AP3B1: variants seen among roughly 807,000 people sequenced by gnomAD.
AP3B1 encodes the protein AP-3 complex subunit beta-1.
A neutral mutation model predicts 132.5 loss-of-function variants in AP3B1; 61 were observed. The observed-to-expected ratio is 0.46, with a 90% CI of 0.37 to 0.57. The LOEUF (loss-of-function observed/expected upper bound fraction) is 0.57, where lower values mean the gene tolerates loss of function less well. Among genes scored for constraint, AP3B1 ranks in the 20% least tolerant of loss-of-function variants. The pLI is 0.00. For synonymous variants in AP3B1, 388 were observed against 438.3 expected (o/e 0.89, Z 1.43); for missense variants, 1,120 against 1,289.4 (o/e 0.87, Z 2.01).
At position 78,229,305 on chromosome 5, in the gene AP3B1, A is replaced by C. The variant is rs556768276; in HGVS notation, c.280-1066T>G. ...AAAATTATGAACAGAAAAAGAAATA[A>C]ACAAAAACTAGAATTTGAGTTGAAA... On this transcript the variant is annotated intron_variant, in intron 3 of 26. Coordinates refer to ENST00000255194, the MANE Select transcript of AP3B1 (RefSeq NM_003664.5). 7.7e-4 allele frequency among the ~76,000 whole-genome samples: 117 copies of C among 152,324 alleles called. 1 individual carries two copies. The highest frequency in any genetic ancestry group is 7.6e-3 in the Admixed American group (117 of 15,300).
At chr5:78,047,164 G>A (rs183943498) in intron 22 of AP3B1, among the ~76,000 whole-genome samples, 385 of 152,242 alleles carry the variant, frequency 2.5e-3, no homozygotes, top group African/African-American at 8.9e-3. Flanking sequence ...ATAAACATAC[G>A]TGCACATATG....
intron 21 of AP3B1, among the ~76,000 whole-genome samples, chr5:78,099,826 T>C (rs1050137704): frequency 1.3e-5 from 2 of 150,644 alleles, no homozygotes; most frequent in African/African-American, 2.4e-5. Context: ...AAGGTGGAGG[T>C]TGCAGTGAGC....
chr5:78,151,384 G>GT (rs1286488086), intron 14 of AP3B1, among the ~76,000 whole-genome samples: 1 of 152,282 alleles, frequency 6.6e-6, no homozygotes. Context: ...AACGCTTGAG[G>GT]TAGGACTTCC....
At chr5:78,046,448 C>T (rs1222471009) in intron 22 of AP3B1, among the ~76,000 whole-genome samples, 1 of 152,186 alleles carries the variant, frequency 6.6e-6, no homozygotes, top group Non-Finnish European at 1.5e-5. Context: ...CTGTCTTCCA[C>T]AAAACGGGTC....
chr5:78,253,590 T>C (rs1320918331), intron 2 of AP3B1, among the ~76,000 whole-genome samples: 1 of 151,968 alleles, frequency 6.6e-6, no homozygotes, highest in Non-Finnish European at 1.5e-5. Context: ...AAAAGAGAAA[T>C]ATGTGACCTT....
In AP3B1 at chr5:78,110,365, T is replaced by G. The variant is rs892850467; in HGVS notation, c.2250-11A>C. Reference sequence around the variant, plus strand: ...CCATCTTCAGAATCACTACACATAATAGTAAATTTTGAAATATGAACTTTA... The same window carrying G: ...CCATCTTCAGAATCACTACACATAAGAGTAAATTTTGAAATATGAACTTTA... On this transcript the variant is annotated splice_polypyrimidine_tract_variant and intron_variant, in intron 19 of 26. Coordinates refer to ENST00000255194, the MANE Select transcript of AP3B1 (RefSeq NM_003664.5). The G allele has an allele frequency of 8.1e-6, 13 of 1,595,140 alleles. No individual in the cohort carries two copies. The highest frequency in any genetic ancestry group is 1.1e-5 in the Non-Finnish European group (13 of 1,167,002).
intron 22 of AP3B1, among the ~76,000 whole-genome samples, chr5:78,072,575 T>C (rs1332951593): frequency 6.6e-6 from 1 of 151,998 alleles, no homozygotes; most frequent in Non-Finnish European, 1.5e-5. Flanking sequence ...CATATTAACA[T>C]TTGGAGGGGA....
chr5:78,267,677 A>C, intron 1 of AP3B1, 82 bp from the exon 2 acceptor site: 1 of 872,260 alleles, frequency 1.1e-6, no homozygotes, highest in Non-Finnish European at 1.8e-6. Flanking sequence ...CATAAGAATT[A>C]GAAGTAATAT....
Position 78,034,272 on chromosome 5 carries a change from C to T in AP3B1, c.2894+89G>A. The T allele has an allele frequency of 5.2e-6, 5 of 970,078 alleles. No individual in the cohort carries two copies. In the East Asian group the frequency reaches 9.6e-5, roughly 19 times the overall value. 60.1% of individuals were successfully genotyped at this position (970,078 alleles called of 1,614,324 possible). ...ATATTTGTTTAAATGTTTTGTCTTT[C>T]ACACACACACAAAAGCTGTTGAAAG... On this transcript the variant is annotated intron_variant, in intron 24 of 26. Transcript: ENST00000255194.
At chr5:78,287,843 C>T (rs375490364) in intron 1 of AP3B1, among the ~76,000 whole-genome samples, 9 of 150,760 alleles carry the variant, frequency 6.0e-5, no homozygotes, top group African/African-American at 2.0e-4. Flanking sequence ...CCATAAATTT[C>T]AATTAGCTAA....
chr5:78,267,607 G>C lies in AP3B1; in HGVS notation c.129-12C>G. 3.2e-6 allele frequency: 5 copies of C among 1,542,456 alleles called. No homozygotes were observed. The highest frequency in any genetic ancestry group is 4.5e-6 in the Non-Finnish European group (5 of 1,120,342). On this transcript the variant is annotated splice_polypyrimidine_tract_variant and intron_variant, in intron 1 of 26. Transcript: ENST00000255194. ...TTAGATCTTCATTCCTATTACAAAAGAGAAGAAAAAAAATCCATACTTTGA... is the reference window on the plus strand; with the variant it reads ...TTAGATCTTCATTCCTATTACAAAACAGAAGAAAAAAAATCCATACTTTGA...
At chr5:78,154,022 A>G (rs545678136) in intron 14 of AP3B1, among the ~76,000 whole-genome samples, 52 of 152,326 alleles carry the variant, frequency 3.4e-4, no homozygotes, top group Non-Finnish European at 6.2e-4. Context: ...TTTTCTGTGT[A>G]CATACTATTA....
intron 22 of AP3B1, among the ~76,000 whole-genome samples, chr5:78,050,517 C>T (rs1748536523): frequency 6.7e-6 from 1 of 150,188 alleles, no homozygotes; most frequent in Non-Finnish European, 1.5e-5. Flanking sequence ...CTTATAGGAA[C>T]ACACTGTGGT....
chr5:78,112,550 A>G (rs1751640888), intron 19 of AP3B1, among the ~76,000 whole-genome samples: 1 of 152,186 alleles, frequency 6.6e-6, no homozygotes. Flanking sequence ...GCACTGAACA[A>G]AACTTTCCCT....
rs778796881 is a variant in AP3B1, at chr5:78,165,695, T to C, written c.1168-23A>G. ...AAGCTATAGTAGAGAAAAGAGAAAG[T>C]AAACATTTTAAAACAAAGGTAGCAA... On this transcript the variant is annotated intron_variant, in intron 11 of 26. Transcript: ENST00000255194. The C allele has an allele frequency of 3.4e-6, 5 of 1,491,702 alleles. No individual in the cohort carries two copies. The African/African-American group carries it at 6.9e-5, about 21-fold the overall frequency. 92.4% of individuals were successfully genotyped at this position (1,491,702 alleles called of 1,614,324 possible). A position where few individuals can be genotyped will look rare whatever the true frequency, so the allele number is the denominator to read the frequency against.
At chr5:78,027,579 C>T (rs771468963) in intron 24 of AP3B1, among the ~76,000 whole-genome samples, 2 of 151,842 alleles carry the variant, frequency 1.3e-5, no homozygotes, top group African/African-American at 2.4e-5. Flanking sequence ...TTGAAAAAGT[C>T]GACTGGCATT....
chr5:78,059,317 G>A (rs1748943692), intron 22 of AP3B1, among the ~76,000 whole-genome samples: 1 of 152,254 alleles, frequency 6.6e-6, no homozygotes, highest in East Asian at 1.9e-4. Flanking sequence ...AGCTCCAGAA[G>A]GAACATGGTC....
intron 13 of AP3B1, 103 bp from the exon 14 acceptor site, chr5:78,156,470 T>C (rs1743153741): frequency 1.2e-5 from 11 of 884,162 alleles, no homozygotes; most frequent in Admixed American, 2.0e-5. Context: ...TTCTATTTAA[T>C]ACAAGCCTTA....
chr5:78,163,579 A>G (rs958063243), intron 12 of AP3B1, among the ~76,000 whole-genome samples: 1 of 147,336 alleles, frequency 6.8e-6, no homozygotes, highest in Non-Finnish European at 1.5e-5. Context: ...TAAAGGGTAT[A>G]TGTGTGTGTG....
Sources: allele counts gnomAD v4.1 joint callset (sites outside exome capture counted in the v4.1 genomes callset), GRCh38; gene constraint gnomAD v4.1.1; transcripts MANE v1.5; gene names NCBI Gene and HGNC (gene_info 2026-07-23, HGNC 2026-07-21).